Variants in GRAMD4 observed in about 807,000 individuals in gnomAD.
The protein encoded by GRAMD4 is GRAM domain-containing protein 4.
A neutral mutation model predicts 83.9 loss-of-function variants in GRAMD4; 25 were observed. That is an observed-to-expected ratio of 0.30 (90% CI 0.22 to 0.42). The LOEUF is 0.42. Ranked by LOEUF, GRAMD4 falls within the 10% of genes least tolerant of loss-of-function variation. The pLI, the probability that GRAMD4 is intolerant of heterozygous loss-of-function variation, is 1.00. For synonymous variants in GRAMD4, 336 were observed against 320.9 expected (o/e 1.05, Z -0.50); for missense variants, 593 against 788.7 (o/e 0.75, Z 2.97).
At chr22:46,581,270 C>G in intron 1 of GRAMD4, among the ~76,000 whole-genome samples, 1 of 152,234 alleles carries the variant, frequency 6.6e-6, no homozygotes, top group East Asian at 1.9e-4. Context: ...TAATAGAAAT[C>G]ACTCATTCTG....
At position 46,594,358 on chromosome 22, in the gene GRAMD4, T is replaced by C. The variant is rs1468691475; in HGVS notation, c.-50+17068T>C. On this transcript the variant is annotated intron_variant, in intron 1 of 1. Transcript: ENST00000431155. ...GGAAGGACAGGTGGAAGTGGGCGGGTGGGGTGGGTATGGTGGGTGATGATA... is the reference window on the plus strand; with the variant it reads ...GGAAGGACAGGTGGAAGTGGGCGGGCGGGGTGGGTATGGTGGGTGATGATA... Among the ~76,000 whole-genome samples the C allele has an allele frequency of 3.1e-4, 14 of 44,734 alleles. No individual in the cohort carries two copies. In the East Asian group the frequency reaches 8.4e-3, roughly 27 times the overall value. 29.3% of individuals were successfully genotyped at this position (44,734 alleles called of 152,430 possible). A position where few individuals can be genotyped will look rare whatever the true frequency, so the allele number is the denominator to read the frequency against.
rs1331732914 is a variant in GRAMD4, at chr22:46,605,473, G to A, written c.-49-21278G>A. Among the ~76,000 whole-genome samples the A allele has an allele frequency of 6.6e-5, 10 of 152,370 alleles. 2 individuals carry two copies. The highest frequency in any genetic ancestry group is 5.2e-4 in the Admixed American group (8 of 15,306). On this transcript the variant is annotated intron_variant, in intron 1 of 1. Coordinates refer to the GRAMD4 transcript ENST00000431155. The stretch of plus-strand genomic sequence containing the variant: ...AGTTCTTTTGAGTATCCCCAGAAGG[G>A]GGATTGTTGGATCATATGGTAGTTC...
In GRAMD4 at chr22:46,672,470, G is replaced by A. The variant is rs1009071275; in HGVS notation, c.1085-373G>A. 2.0e-4 allele frequency among the ~76,000 whole-genome samples: 31 copies of A among 152,090 alleles called. No individual in the cohort carries two copies. The highest frequency in any genetic ancestry group is 7.2e-4 in the African/African-American group (30 of 41,466). On this transcript the variant is annotated intron_variant, in intron 13 of 18. Transcript: ENST00000406902. This position sits in a 1 kb window ranked among gnomAD's most constrained non-coding sequence, Gnocchi z 4.7. ...ATTTGGTGTCAGGTGTGGGGAATTG[G>A]GGCAGAGGAGGCACAGTCCTGAAGT... is the stretch of plus-strand genomic sequence containing the variant.
At chr22:46,648,214 G>GTGGA (rs1232134157) in intron 3 of GRAMD4, among the ~76,000 whole-genome samples, 2 of 151,700 alleles carry the variant, frequency 1.3e-5, no homozygotes, top group African/African-American at 2.4e-5. Flanking sequence ...GGATGGGTGG[G>GTGGA]TGGATGGATG....
chr22:46,656,277 G>A (rs532550804), intron 3 of GRAMD4, among the ~76,000 whole-genome samples: 1 of 152,364 alleles, frequency 6.6e-6, no homozygotes, highest in East Asian at 1.9e-4. Flanking sequence ...GCGAGTAACA[G>A]CATCCAGCAC....
intron 1 of GRAMD4, among the ~76,000 whole-genome samples, chr22:46,577,675 C>G (rs1413773781): frequency 6.6e-6 from 1 of 152,236 alleles, no homozygotes; most frequent in East Asian, 1.9e-4. Flanking sequence ...GTCGTCCTGC[C>G]GATCCACTCC....
At chr22:46,640,802 GCCCCCAA>G (rs1224986386) in intron 3 of GRAMD4, among the ~76,000 whole-genome samples, 1 of 123,938 alleles carries the variant, frequency 8.1e-6, no homozygotes, top group African/African-American at 3.0e-5. Flanking sequence ...CCCTCTCCCT[GCCCCCAA>G]CCCCCTGCCC....
At chr22:46,600,874 A>G (rs2081305992) in intron 1 of GRAMD4, among the ~76,000 whole-genome samples, 1 of 152,240 alleles carries the variant, frequency 6.6e-6, no homozygotes, top group African/African-American at 2.4e-5. Flanking sequence ...GGCCAGGTGC[A>G]GTGGCTCATG....
chr22:46,642,362 A>G (rs2147243970), intron 3 of GRAMD4, among the ~76,000 whole-genome samples: 1 of 152,378 alleles, frequency 6.6e-6, no homozygotes, highest in South Asian at 2.1e-4. Context: ...CTCAGTGGAC[A>G]GGGCTTGGGC....
chr22:46,598,935 C>G (rs992573389), intron 1 of GRAMD4, among the ~76,000 whole-genome samples: 1 of 152,058 alleles, frequency 6.6e-6, no homozygotes, highest in African/African-American at 2.4e-5. Flanking sequence ...CGCCCTGCAC[C>G]CAGAGGGCTA....
At chr22:46,675,002 G>C (rs2082573458) in intron 16 of GRAMD4, among the ~76,000 whole-genome samples, 1 of 152,272 alleles carries the variant, frequency 6.6e-6, no homozygotes, top group South Asian at 2.1e-4. Context: ...GGCCCAAGCA[G>C]TTCATGGAGA....
chr22:46,603,763 G>T (rs1011054152), intron 1 of GRAMD4, among the ~76,000 whole-genome samples: 2 of 151,606 alleles, frequency 1.3e-5, no homozygotes, highest in Admixed American at 6.6e-5. Context: ...TGATCCGCCC[G>T]CCTCGGCCTC....
chr22:46,618,792 C>G (rs1489237350), upstream of GRAMD4, among the ~76,000 whole-genome samples: 1 of 152,172 alleles, frequency 6.6e-6, no homozygotes, highest in East Asian at 1.9e-4. The surrounding 1 kb of genome is among the most constrained non-coding windows in gnomAD (Gnocchi z 5.8). Flanking sequence ...AGGCGTGCGG[C>G]CGGCGTGCGC....
upstream of GRAMD4, among the ~76,000 whole-genome samples, chr22:46,617,672 CTG>C (rs2081522607): frequency 6.6e-6 from 1 of 152,158 alleles, no homozygotes; most frequent in South Asian, 2.1e-4. Context: ...GTCTTCCTGA[CTG>C]TCTCTCCTGG....
At chr22:46,669,661 C>T (rs1460764821) in intron 13 of GRAMD4, among the ~76,000 whole-genome samples, 9 of 151,446 alleles carry the variant, frequency 5.9e-5, no homozygotes, top group East Asian at 3.9e-4. Flanking sequence ...CTGCAACCTC[C>T]GCCTCCCGGG....
At chr22:46,650,073 C>T (rs557546193) in intron 3 of GRAMD4, among the ~76,000 whole-genome samples, 3 of 152,254 alleles carry the variant, frequency 2.0e-5, no homozygotes, top group South Asian at 2.1e-4. Context: ...TCCGGGGATG[C>T]GGGACTCCGC....
chr22:46,674,715 C>A lies in GRAMD4; in HGVS notation c.1443C>A (p.Asp481Glu). ...LINRDRKMPT[D>E]YIRNGVLYVT... ...ACAGGGACCGGAAGATGCCCACGGA[C>A]TACATCAGGAACGGGGTGCTCTACG... is the stretch of plus-strand genomic sequence containing the variant. Residue 481 changes from aspartate (D) to glutamate (E), a missense_variant, in exon 16 of 19, where the codon GAC becomes GAA. By Grantham distance (45) the Asp-to-Glu change is conservative. Coordinates refer to ENST00000406902, the MANE Select transcript of GRAMD4 (RefSeq NM_015124.5). 2 of 1,612,770 alleles carry A rather than the reference C, an allele frequency of 1.2e-6. No individual in the cohort carries two copies. The highest frequency in any genetic ancestry group is 2.2e-5 in the East Asian group (1 of 44,876).
At position 46,672,858 on chromosome 22, in the gene GRAMD4, T is replaced by C; in HGVS notation, c.1100T>C (p.Ile367Thr). The C allele has an allele frequency of 6.2e-7, 1 of 1,612,784 alleles. No homozygotes were observed. Among genetic ancestry groups the C allele is most frequent in the South Asian group, 1.1e-5 (1 of 91,076 alleles). Reference sequence around the variant, plus strand: ...CTGCCCTCAGGACTCTATGCTGGTATCAAGTTCTTCCTCATTGATTTCATC... The same window carrying C: ...CTGCCCTCAGGACTCTATGCTGGTACCAAGTTCTTCCTCATTGATTTCATC... ...VGLAVGLYAG[I>T]KFFLIDFIFK... The change falls in exon 14 of 19, where the codon ATC becomes ACC. Residue 367 changes from isoleucine (I) to threonine (T), a missense_variant. Ile to Thr is a moderately conservative substitution (Grantham distance 89). Transcript: ENST00000406902. The surrounding 1 kb of genome is among the most constrained non-coding windows in gnomAD (Gnocchi z 4.7).
intron 1 of GRAMD4, among the ~76,000 whole-genome samples, chr22:46,584,016 C>T (rs758061183): frequency 2.0e-5 from 3 of 152,152 alleles, no homozygotes; most frequent in Non-Finnish European, 4.4e-5. Flanking sequence ...CATGTGGGTT[C>T]GTGGATACTC....
Sources: allele counts gnomAD v4.1 joint callset (sites outside exome capture counted in the v4.1 genomes callset), GRCh38; gene constraint gnomAD v4.1.1; non-coding constraint Gnocchi (gnomAD v3.1); transcripts MANE v1.5; gene names NCBI Gene and HGNC (gene_info 2026-07-23, HGNC 2026-07-21).